MARCHF3: variants seen among roughly 807,000 people sequenced by gnomAD.
MARCHF3 encodes the protein membrane associated ring-CH-type finger 3.
In MARCHF3, 13 loss-of-function variants were observed where a neutral mutation model predicts 24.2. The observed-to-expected ratio is 0.54, with a 90% CI of 0.35 to 0.85. The LOEUF is 0.85. Ranked by LOEUF, MARCHF3 falls within the 40% of genes least tolerant of loss-of-function variation. The pLI is 0.01. For synonymous variants in MARCHF3, 144 were observed against 137.3 expected, an observed-to-expected ratio of 1.05 and a Z score of -0.34; for missense variants, 276 against 325.0, an observed-to-expected ratio of 0.85 and a Z score of 1.16.
At chr5:126,922,920 T>G (rs1749170336) in intron 1 of MARCHF3, among the ~76,000 whole-genome samples, 1 of 152,188 alleles carries the variant, frequency 6.6e-6, no homozygotes, top group African/African-American at 2.4e-5. Context: ...TGCATCACAC[T>G]TGAACTCTGA....
At chr5:126,946,097 G>A (rs961189622) in intron 1 of MARCHF3, among the ~76,000 whole-genome samples, 12 of 152,032 alleles carry the variant, frequency 7.9e-5, no homozygotes, top group African/African-American at 2.4e-4. Flanking sequence ...GGGGCCGAGC[G>A]TGGTAGCTCA....
At chr5:126,983,414 T>C (rs1751455609) in intron 1 of MARCHF3, among the ~76,000 whole-genome samples, 1 of 152,168 alleles carries the variant, frequency 6.6e-6, no homozygotes, top group Non-Finnish European at 1.5e-5. Flanking sequence ...GACTGGTCAC[T>C]TCCTCAGCAC....
At position 126,868,682 on chromosome 5, in the gene MARCHF3, T is replaced by C. The variant is rs1361261701; in HGVS notation, c.*1951A>G. On this transcript the variant is annotated 3_prime_UTR_variant, in exon 5 of 5. Coordinates refer to ENST00000308660, the MANE Select transcript of MARCHF3 (RefSeq NM_178450.5). ...AGGGGTATGGTCCTCTCATGAATGT[T>C]GTGCCATTCAGTTGAGACGTGTCAC... 1 of 152,230 alleles carries C rather than the reference T, an allele frequency of 6.6e-6. No homozygotes were observed. The highest frequency in any genetic ancestry group is 2.4e-5 in the African/African-American group (1 of 41,436). The allele number at this position is 152,230 out of a possible 1,614,324, so 9.4% of individuals were successfully genotyped here.
rs188890431 is a variant in MARCHF3, at chr5:127,002,450, T to C, written c.-57+27900A>G. ...TTCATTGAAAAAAACTGATGTCTGT[T>C]GTATTTGGATGGGCAGAGAAACTTA... On this transcript the variant is annotated intron_variant, in intron 1 of 4. Transcript: ENST00000308660. Among the ~76,000 whole-genome samples, 202 of 152,274 alleles carry C rather than the reference T, an allele frequency of 1.3e-3. 2 individuals are homozygous for C. The highest frequency in any genetic ancestry group is 4.6e-3 in the African/African-American group (193 of 41,552).
At chr5:126,888,480 T>C (rs537102699) in intron 3 of MARCHF3, among the ~76,000 whole-genome samples, 2 of 152,342 alleles carry the variant, frequency 1.3e-5, no homozygotes, top group African/African-American at 4.8e-5. Context: ...CAAATCATTT[T>C]ATATATTCAC....
At chr5:126,906,253 T>G (rs1754291057) in intron 3 of MARCHF3, among the ~76,000 whole-genome samples, 1 of 151,998 alleles carries the variant, frequency 6.6e-6, no homozygotes, top group Non-Finnish European at 1.5e-5. Flanking sequence ...TCAATGTTCA[T>G]CAAGGATATT....
At chr5:126,950,848 A>G (rs185957037) in intron 1 of MARCHF3, among the ~76,000 whole-genome samples, 7 of 152,242 alleles carry the variant, frequency 4.6e-5, no homozygotes, top group African/African-American at 1.7e-4. Flanking sequence ...TTTGTCTCCT[A>G]TTACCTTTTT....
At chr5:126,906,627 C>G (rs1008562668) in intron 3 of MARCHF3, among the ~76,000 whole-genome samples, 16 of 152,160 alleles carry the variant, frequency 1.1e-4, no homozygotes, top group East Asian at 5.8e-4. Flanking sequence ...AGTATTCTCT[C>G]ATGGTAGTTT....
At chr5:126,893,041 T>C (rs1233746876) in intron 3 of MARCHF3, among the ~76,000 whole-genome samples, 2 of 151,980 alleles carry the variant, frequency 1.3e-5, no homozygotes, top group Non-Finnish European at 2.9e-5. Flanking sequence ...TCGAGGAATT[T>C]ATCCATTTCT....
intron 1 of MARCHF3, among the ~76,000 whole-genome samples, chr5:126,994,989 A>C (rs1751900637): frequency 6.6e-6 from 1 of 152,232 alleles, no homozygotes; most frequent in Non-Finnish European, 1.5e-5. Context: ...TCAGCAAGTC[A>C]AGTCCTTCCA....
intron 3 of MARCHF3, among the ~76,000 whole-genome samples, chr5:126,892,139 G>T (rs992561220): frequency 6.7e-6 from 1 of 149,860 alleles, no homozygotes; most frequent in African/African-American, 2.5e-5. Context: ...CATTGATTTT[G>T]TATCCTGAGA....
chr5:126,908,776 G>A (rs1221901742), intron 3 of MARCHF3, among the ~76,000 whole-genome samples: 3 of 151,388 alleles, frequency 2.0e-5, no homozygotes, highest in Admixed American at 6.6e-5. Context: ...ATGTCCTCCT[G>A]TAGCTCAGAG....
intron 3 of MARCHF3, among the ~76,000 whole-genome samples, chr5:126,893,451 A>G (rs1753765159): frequency 6.6e-6 from 1 of 151,670 alleles, no homozygotes; most frequent in African/African-American, 2.4e-5. Flanking sequence ...CCCTCTACAC[A>G]CTGCTTTGAA....
At chr5:126,919,727 G>A (rs932919309) in intron 1 of MARCHF3, among the ~76,000 whole-genome samples, 3 of 152,186 alleles carry the variant, frequency 2.0e-5, no homozygotes, top group East Asian at 1.9e-4. Flanking sequence ...AACAATCATC[G>A]GACGTGATTG....
At chr5:126,989,734 A>G (rs1751687980) in intron 1 of MARCHF3, among the ~76,000 whole-genome samples, 2 of 152,204 alleles carry the variant, frequency 1.3e-5, no homozygotes, top group African/African-American at 4.8e-5. Context: ...TAATCACAAT[A>G]CTTACAGCAC....
intron 1 of MARCHF3, among the ~76,000 whole-genome samples, chr5:126,928,728 A>C (rs193049070): frequency 2.0e-5 from 3 of 152,228 alleles, no homozygotes; most frequent in South Asian, 2.1e-4. Context: ...CCCTTTGTTC[A>C]TAAAAATTAT....
At chr5:127,001,466 A>G (rs990719472) in intron 1 of MARCHF3, among the ~76,000 whole-genome samples, 2 of 152,186 alleles carry the variant, frequency 1.3e-5, no homozygotes, top group Admixed American at 6.5e-5. Context: ...TGGTCAATAC[A>G]TAATTCTTGA....
At chr5:126,974,052 C>T (rs1034735122) in intron 1 of MARCHF3, among the ~76,000 whole-genome samples, 3 of 151,650 alleles carry the variant, frequency 2.0e-5, no homozygotes, top group Admixed American at 6.5e-5. Context: ...CGCCCGCCAC[C>T]GCGCCCGGCT....
chr5:126,954,199 A>ATTTTTTT (rs750262766), intron 1 of MARCHF3, among the ~76,000 whole-genome samples: 22 of 114,058 alleles, frequency 1.9e-4, no homozygotes, highest in South Asian at 2.8e-4. Flanking sequence ...CGCCCGGCTA[A>ATTTTTTT]TTTTTTTTTT....
Sources: allele counts gnomAD v4.1 joint callset (sites outside exome capture counted in the v4.1 genomes callset), GRCh38; gene constraint gnomAD v4.1.1; transcripts MANE v1.5; gene names NCBI Gene and HGNC (gene_info 2026-07-23, HGNC 2026-07-21).